The following CHRNG variants were observed in gnomAD, a reference collection of about 807,000 sequenced individuals.
CHRNG encodes the protein cholinergic receptor nicotinic gamma subunit.
A neutral mutation model predicts 65.2 loss-of-function variants in CHRNG; 72 were observed. The ratio of observed to expected loss-of-function variants is 1.10; its 90% CI spans 0.91 to 1.34. The LOEUF (loss-of-function observed/expected upper bound fraction) is 1.34. Ranked by LOEUF, CHRNG falls within the 40% of genes most tolerant of loss-of-function variation. The pLI is 0.00. For synonymous variants in CHRNG, 284 were observed against 290.2 expected (o/e 0.98, Z 0.22); for missense variants, 637 against 680.1 (o/e 0.94, Z 0.70).
chr2:232,540,177 C>A lies in CHRNG; in HGVS notation c.195+46C>A, dbSNP rs1691987136. 2 of 1,614,034 alleles carry A rather than the reference C, an allele frequency of 1.2e-6. No homozygotes were observed. The highest frequency in any genetic ancestry group is 2.2e-5 in the East Asian group (1 of 44,866). ...GGGGTCAGCGCACCACGCCCTGGGA[C>A]CTGCTGGGGATAGCATGGGGTGGCT... On this transcript the variant is annotated intron_variant, in intron 2 of 11. Coordinates refer to ENST00000651502, the MANE Select transcript of CHRNG (RefSeq NM_005199.5). The surrounding 1 kb of genome is among the most constrained non-coding windows in gnomAD (Gnocchi z 4.2).
Position 232,540,021 on chromosome 2 carries a change from C to A in CHRNG, c.85C>A (p.Leu29Met), listed in dbSNP as rs768733912. 6.2e-7 allele frequency: 1 copy of A among 1,614,226 alleles called. No homozygotes were observed. Among genetic ancestry groups the A allele is most frequent in the Admixed American group, 1.7e-5 (1 of 60,034 alleles). ...GAQGRNQEER[L>M]LADLMQNYDP... ...CCAGGGCCGGAACCAGGAGGAGCGC[C>A]TGCTCGCAGACCTGATGCAAAACTA... The change falls in exon 2 of 12, where the codon CTG (leucine) becomes ATG (methionine). Residue 29 changes from leucine (L) to methionine (M), a missense_variant. Coordinates refer to ENST00000651502, the MANE Select transcript of CHRNG (RefSeq NM_005199.5). The surrounding 1 kb of genome is among the most constrained non-coding windows in gnomAD (Gnocchi z 4.2).
rs573240938 is a variant in CHRNG, at chr2:232,543,878, C to T, written c.1035+179C>T. ...GGAATGAAATTGCTTCCTAGGTGCC[C>T]GGGATATTACAAATGTTAATGTATT... On this transcript the variant is annotated intron_variant, in intron 9 of 11. Transcript: ENST00000651502. Among the ~76,000 whole-genome samples, 444 of 152,322 alleles carry T rather than the reference C, an allele frequency of 2.9e-3. 1 individual carries two copies. Among genetic ancestry groups the T allele is most frequent in the Non-Finnish European group, 4.8e-3 (329 of 68,032 alleles).
intron 8 of CHRNG, 36 bp downstream of exon 8, chr2:232,543,425 C>G (rs1336825549): frequency 6.8e-7 from 1 of 1,480,350 alleles, no homozygotes; most frequent in Middle Eastern, 1.7e-4. Flanking sequence ...GCCTATGCCA[C>G]TCTCCCTTCT....
chr2:232,545,905 G>A lies in CHRNG; in HGVS notation c.*189G>A. ...CTGGAGTCCGAGAGTGGTTGGGGGT[G>A]GGCCGTGGCTAGTGTCCTGCTGCAG... On this transcript the variant is annotated 3_prime_UTR_variant, in exon 12 of 12. Transcript: ENST00000651502. 2 of 710,596 alleles carry A rather than the reference G, an allele frequency of 2.8e-6. No individual in the cohort carries two copies. The highest frequency in any genetic ancestry group is 4.9e-6 in the Non-Finnish European group (2 of 407,350). 44.0% of individuals were successfully genotyped at this position (710,596 alleles called of 1,614,324 possible).
rs541727035 is a variant in CHRNG at position 232,547,432 on chromosome 2, A to T, written c.*1716A>T. Reference sequence around the variant, plus strand: ...ACCCTGTCTCAAAAAAAATAAAAAAATTACAAAACTGAAAAAAGAAAAGTG... The same window carrying T: ...ACCCTGTCTCAAAAAAAATAAAAAATTTACAAAACTGAAAAAAGAAAAGTG... On this transcript the variant is annotated 3_prime_UTR_variant, in exon 12 of 12. Transcript: ENST00000651502. Among the ~76,000 whole-genome samples, 69 of 152,336 alleles carry T rather than the reference A, an allele frequency of 4.5e-4. No individual in the cohort carries two copies. Among genetic ancestry groups the T allele is most frequent in the African/African-American group, 1.5e-3 (63 of 41,568 alleles).
rs748609408 is a variant in CHRNG at position 232,541,501 on chromosome 2, G to C, written c.478G>C (p.Asp160His). 3 of 1,613,922 alleles carry C rather than the reference G, an allele frequency of 1.9e-6. No homozygotes were observed. Among genetic ancestry groups the C allele is most frequent in the Non-Finnish European group, 2.5e-6 (3 of 1,179,994 alleles). Residue 160 changes from aspartate to histidine, a missense_variant, in exon 5 of 12, where the codon GAC becomes CAC. Transcript: ENST00000651502. This position sits in a 1 kb window ranked among gnomAD's most constrained non-coding sequence, Gnocchi z 4.0. ...TATCTCAGTCACCTACTTCCCCTTC[G>C]ACTGGCAGAACTGCTCCCTTATCTT... ...CSISVTYFPF[D>H]WQNCSLIFQS...
At position 232,540,146 on chromosome 2, in the gene CHRNG, G is replaced by T. The variant is rs774358095; in HGVS notation, c.195+15G>T. 6.2e-7 allele frequency: 1 copy of T among 1,614,162 alleles called. No homozygotes were observed. The highest frequency in any genetic ancestry group is 1.1e-5 in the South Asian group (1 of 91,086). On this transcript the variant is annotated intron_variant, in intron 2 of 11. Coordinates refer to ENST00000651502, the MANE Select transcript of CHRNG (RefSeq NM_005199.5). The surrounding 1 kb of genome is among the most constrained non-coding windows in gnomAD (Gnocchi z 4.2). ...TCATCTCCCTGGTAAGCCGCAGGACGGAGGAGGGGTCAGCGCACCACGCCC... is the reference window on the plus strand; with the variant it reads ...TCATCTCCCTGGTAAGCCGCAGGACTGAGGAGGGGTCAGCGCACCACGCCC...
At position 232,545,880 on chromosome 2, in the gene CHRNG, C is replaced by T; in HGVS notation, c.*164C>T. 1.2e-6 allele frequency: 1 copy of T among 826,950 alleles called. No homozygotes were observed. Among genetic ancestry groups the T allele is most frequent in the Non-Finnish European group, 2.0e-6 (1 of 503,618 alleles). 51.2% of individuals were successfully genotyped at this position (826,950 alleles called of 1,614,324 possible). A position where few individuals can be genotyped will look rare whatever the true frequency, so the allele number is the denominator to read the frequency against. On this transcript the variant is annotated 3_prime_UTR_variant, in exon 12 of 12. Transcript: ENST00000651502. ...AGAAAAGCTGGGGAAACAGTCTGAG[C>T]TGGAGTCCGAGAGTGGTTGGGGGTG...
Position 232,544,567 on chromosome 2 carries a change from G to C in CHRNG, c.1236G>C (p.Ala412=), listed in dbSNP as rs1325602664. 6.2e-7 allele frequency: 1 copy of C among 1,612,946 alleles called. No homozygotes were observed. The highest frequency in any genetic ancestry group is 1.1e-5 in the South Asian group (1 of 91,058). ...QWQRQGLVAA[A]LEKLEKGPEL... ...AGCGGCAAGGGCTGGTGGCGGCAGCGCTGGAGAAGCTAGGTGAGACACACC... is the reference window on the plus strand; with the variant it reads ...AGCGGCAAGGGCTGGTGGCGGCAGCCCTGGAGAAGCTAGGTGAGACACACC... Residue 412 remains alanine, a synonymous_variant, in exon 10 of 12, where the codon GCG becomes GCC. Coordinates refer to ENST00000651502, the MANE Select transcript of CHRNG (RefSeq NM_005199.5).
In CHRNG at chr2:232,543,029, C is replaced by T. The variant is rs374951822; in HGVS notation, c.752C>T (p.Pro251Leu). 6.2e-7 allele frequency: 1 copy of T among 1,614,134 alleles called. No homozygotes were observed. Among genetic ancestry groups the T allele is most frequent in the African/African-American group, 1.3e-5 (1 of 74,942 alleles). ...PLFYVINIIA[P>L]CVLISSVAIL... ...TTCTACGTCATCAACATCATCGCCC[C>T]CTGTGTGCTCATCTCCTCTGTCGCC... Residue 251 changes from proline to leucine, a missense_variant, in exon 7 of 12, where the codon CCC becomes CTC. By Grantham distance (98) the Pro-to-Leu change is moderately conservative. Coordinates refer to ENST00000651502, the MANE Select transcript of CHRNG (RefSeq NM_005199.5).
At position 232,542,701 on chromosome 2, in the gene CHRNG, T is replaced by A. The variant is rs6761667; in HGVS notation, c.604+181T>A. On this transcript the variant is annotated intron_variant, in intron 6 of 11. Coordinates refer to ENST00000651502, the MANE Select transcript of CHRNG (RefSeq NM_005199.5). Reference sequence around the variant, plus strand: ...AGCTCTGACTTTCCTCATGATAATGTCTCCAATTTTAGAAGAGGCTCGAGC... The same window carrying A: ...AGCTCTGACTTTCCTCATGATAATGACTCCAATTTTAGAAGAGGCTCGAGC... Among the ~76,000 whole-genome samples, 68,728 of 152,032 alleles carry A rather than the reference T, an allele frequency of 0.45. 16,044 individuals carry two copies. The highest frequency in any genetic ancestry group is 0.6 in the South Asian group (2,867 of 4,818).
Position 232,543,595 on chromosome 2 carries a change from T to C in CHRNG, c.931T>C (p.Phe311Leu), listed in dbSNP as rs1692064106. ...AVPLISKYLTFLLVVTILIVV... is the reference protein window; with the variant it reads ...AVPLISKYLTLLLVVTILIVV... Reference sequence around the variant, plus strand: ...ACCCCACCCTGACAGGTACCTGACCTTCCTCCTGGTGGTGACCATCCTCAT... The same window carrying C: ...ACCCCACCCTGACAGGTACCTGACCCTCCTCCTGGTGGTGACCATCCTCAT... Residue 311 changes from phenylalanine to leucine, a missense_variant, in exon 9 of 12, where the codon TTC (phenylalanine) becomes CTC (leucine). Coordinates refer to ENST00000651502, the MANE Select transcript of CHRNG (RefSeq NM_005199.5). 3 of 1,610,266 alleles carry C rather than the reference T, an allele frequency of 1.9e-6. No homozygotes were observed. The highest frequency in any genetic ancestry group is 1.7e-6 in the Non-Finnish European group (2 of 1,176,586).
rs139923422 is a variant in CHRNG at position 232,546,678 on chromosome 2, AAG to A, written c.*965_*966del. 4.0e-3 allele frequency among the ~76,000 whole-genome samples: 612 copies of A among 152,200 alleles called. 3 individuals are homozygous for A. Among genetic ancestry groups the A allele is most frequent in the African/African-American group, 0.014 (573 of 41,516 alleles). Reference sequence around the variant, plus strand: ...GCTCCTCACAGCAGTATGGATAAGCAAGAGTCATTATTCCCCATGTTATATAG... The same window carrying A: ...GCTCCTCACAGCAGTATGGATAAGCAAGTCATTATTCCCCATGTTATATAG... On this transcript the variant is annotated 3_prime_UTR_variant, in exon 12 of 12. Coordinates refer to ENST00000651502, the MANE Select transcript of CHRNG (RefSeq NM_005199.5).
Position 232,540,116 on chromosome 2 carries a change from C to T in CHRNG, c.180C>T (p.Thr60=), listed in dbSNP as rs1278624505. 2 of 1,614,176 alleles carry T rather than the reference C, an allele frequency of 1.2e-6. No individual in the cohort carries two copies. The highest frequency in any genetic ancestry group is 1.7e-6 in the Non-Finnish European group (2 of 1,179,994). Residue 60 remains threonine (T), a synonymous_variant, in exon 2 of 12, where the codon ACC becomes ACT. Coordinates refer to ENST00000651502, the MANE Select transcript of CHRNG (RefSeq NM_005199.5). This position sits in a 1 kb window ranked among gnomAD's most constrained non-coding sequence, Gnocchi z 4.2. Reference sequence around the variant, plus strand: ...ATGTCAGCCTGAAGCTAACCCTCACCAACCTCATCTCCCTGGTAAGCCGCA... The same window carrying T: ...ATGTCAGCCTGAAGCTAACCCTCACTAACCTCATCTCCCTGGTAAGCCGCA... ...VVNVSLKLTL[T]NLISLNEREE...
At position 232,541,194 on chromosome 2, in the gene CHRNG, T is replaced by G. The variant is rs1367474844; in HGVS notation, c.351-180T>G. Among the ~76,000 whole-genome samples the G allele has an allele frequency of 6.8e-5, 6 of 88,156 alleles. No individual in the cohort carries two copies. The highest frequency in any genetic ancestry group is 2.5e-4 in the Admixed American group (2 of 8,032). 57.8% of individuals were successfully genotyped at this position (88,156 alleles called of 152,430 possible). The stretch of plus-strand genomic sequence containing the variant: ...GAGGAAGTCTGTCTGGGGCGGGGGG[T>G]GGCAGGAGGATTGCTGGGGGGACCT... On this transcript the variant is annotated intron_variant, in intron 4 of 11. Transcript: ENST00000651502. This position sits in a 1 kb window ranked among gnomAD's most constrained non-coding sequence, Gnocchi z 4.0.
chr2:232,540,721 G>C lies in CHRNG; in HGVS notation c.350+10G>C. 6.2e-7 allele frequency: 1 copy of C among 1,607,854 alleles called. No homozygotes were observed. The highest frequency in any genetic ancestry group is 8.5e-7 in the Non-Finnish European group (1 of 1,177,852). On this transcript the variant is annotated intron_variant, in intron 4 of 11. Coordinates refer to ENST00000651502, the MANE Select transcript of CHRNG (RefSeq NM_005199.5). This position sits in a 1 kb window ranked among gnomAD's most constrained non-coding sequence, Gnocchi z 4.2. ...TCGTGCTGGAGAACAAGTGAGGAGG[G>C]GGTGCAGGCAGGGGTGTGGGGGACA...
intron 8 of CHRNG, 89 bp downstream of exon 8, chr2:232,543,478 C>CCA: frequency 1.7e-6 from 2 of 1,187,174 alleles, no homozygotes; most frequent in Admixed American, 2.1e-5. Flanking sequence ...TGCCCTCCAT[C>CCA]CACCCCCCCC....
chr2:232,542,764 C>A, intron 6 of CHRNG, 118 bp from the exon 7 acceptor site: 1 of 881,128 alleles, frequency 1.1e-6, no homozygotes, highest in Non-Finnish European at 1.8e-6. Context: ...CTCAAGGGTG[C>A]CTCCCCTGCT....
At chr2:232,542,117 T>A (rs2106221090) in intron 5 of CHRNG, among the ~76,000 whole-genome samples, 1 of 152,186 alleles carries the variant, frequency 6.6e-6, no homozygotes, top group Non-Finnish European at 1.5e-5. Flanking sequence ...GTTTTCTACA[T>A]TGCCATCATC....
Sources: allele counts gnomAD v4.1 joint callset (sites outside exome capture counted in the v4.1 genomes callset), GRCh38; gene constraint gnomAD v4.1.1; non-coding constraint Gnocchi (gnomAD v3.1); transcripts MANE v1.5; gene names NCBI Gene and HGNC (gene_info 2026-07-23, HGNC 2026-07-21).